Variants in CRISP2 observed in about 807,000 individuals in gnomAD.
CRISP2 encodes the protein cysteine-rich secretory protein 2.
A neutral mutation model predicts 31.7 loss-of-function variants in CRISP2; 29 were observed. The ratio of observed to expected loss-of-function variants is 0.92; its 90% CI spans 0.68 to 1.25. The LOEUF is 1.25. Among genes scored for constraint, CRISP2 ranks in the 50% most tolerant of loss-of-function variants. The pLI, the probability that CRISP2 is intolerant of heterozygous loss-of-function variation, is 0.00. For missense variants in CRISP2, 318 were observed against 286.5 expected (o/e 1.11, Z -0.79); for synonymous variants, 111 against 101.4 (o/e 1.09, Z -0.57).
the CRISP2 span, among the ~76,000 whole-genome samples, chr6:49,682,847 C>A: frequency 6.6e-6 from 1 of 150,620 alleles, no homozygotes; most frequent in Non-Finnish European, 1.5e-5. Flanking sequence ...TCCCTTCCTC[C>A]CTTCTTTTCT....
At chr6:49,682,571 CTTTTTCTTTCTTTCTTTT>C in the CRISP2 span, among the ~76,000 whole-genome samples, 10 of 103,598 alleles carry the variant, frequency 9.7e-5, no homozygotes, top group South Asian at 1.2e-3. Context: ...CTCTTTCTTT[CTTTTTCTTTCTTTCTTTT>C]TCTTTCTTTC....
Position 49,704,757 on chromosome 6 carries a change from G to A in CRISP2, c.67-3973C>T, listed in dbSNP as rs1193500734. Among the ~76,000 whole-genome samples the A allele has an allele frequency of 2.0e-4, 30 of 152,320 alleles. No individual in the cohort carries two copies. The East Asian group carries it at 5.6e-3, about 28-fold the overall frequency. ...CTGTTCCAGTGGAGGTAGCAGGGGA[G>A]TGAAGTGGACTCTGTGAGAGTCCTT... On this transcript the variant is annotated intron_variant, in intron 4 of 9. Coordinates refer to ENST00000339139, the MANE Select transcript of CRISP2 (RefSeq NM_003296.4).
At chr6:49,708,610 C>G (rs540090706) in intron 4 of CRISP2, among the ~76,000 whole-genome samples, 1 of 152,246 alleles carries the variant, frequency 6.6e-6, no homozygotes, top group South Asian at 2.1e-4. Context: ...ACAGGTCCCT[C>G]TTAGATCCTC....
downstream of CRISP2, among the ~76,000 whole-genome samples, chr6:49,687,534 T>C (rs576267776): frequency 2.6e-5 from 4 of 152,314 alleles, no homozygotes; most frequent in East Asian, 7.7e-4. Flanking sequence ...AAATTCAGTG[T>C]TCTCGCACAA....
chr6:49,702,184 A>G (rs558350073), intron 4 of CRISP2, among the ~76,000 whole-genome samples: 53 of 107,740 alleles, frequency 4.9e-4, no homozygotes, highest in African/African-American at 1.8e-3. Context: ...TATATATATA[A>G]CATTTTCTTT....
intron 1 of CRISP2, among the ~76,000 whole-genome samples, 177 bp downstream of exon 1, chr6:49,713,298 C>T (rs360544): frequency 0.17 from 26,214 of 152,040 alleles, 2,926 homozygotes; most frequent in African/African-American, 0.32. Flanking sequence ...GGTAGGTCGG[C>T]GCTAAGCAAC....
chr6:49,708,717 G>A (rs1208998781), intron 4 of CRISP2, among the ~76,000 whole-genome samples: 1 of 152,120 alleles, frequency 6.6e-6, no homozygotes, highest in African/African-American at 2.4e-5. Flanking sequence ...CACTTAGCTT[G>A]TGATAATTTG....
chr6:49,696,578 A>C (rs538234974), intron 8 of CRISP2, among the ~76,000 whole-genome samples: 2 of 120,174 alleles, frequency 1.7e-5, no homozygotes, highest in African/African-American at 5.8e-5. Context: ...GTTATCCCAG[A>C]ACTTAAAGTA....
At position 49,692,798 on chromosome 6, in the gene CRISP2, C is replaced by T. The variant is rs1390252325; in HGVS notation, c.707G>A (p.Cys236Tyr). 1 of 1,613,604 alleles carries T rather than the reference C, an allele frequency of 6.2e-7. No homozygotes were observed. The highest frequency in any genetic ancestry group is 8.5e-7 in the Non-Finnish European group (1 of 1,179,584). The change falls in exon 10 of 10, where the codon TGC becomes TAC. Residue 236 changes from cysteine (C) to tyrosine (Y), a missense_variant. Cys to Tyr is a radical substitution (Grantham distance 194, BLOSUM62 -2). Coordinates refer to ENST00000339139, the MANE Select transcript of CRISP2 (RefSeq NM_003296.4). Reference sequence around the variant, plus strand: ...TCAGTAAATTTTGTTCTCACATAGGCAAGTAGCCTTGCACTTTTCCTTGAG... The same window carrying T: ...TCAGTAAATTTTGTTCTCACATAGGTAAGTAGCCTTGCACTTTTCCTTGAG... Reference protein sequence around the residue: ...ELLKEKCKATCLCENKIY With the variant: ...ELLKEKCKATYLCENKIY
chr6:49,698,369 T>C lies in CRISP2; in HGVS notation c.410A>G (p.Tyr137Cys). The change falls in exon 7 of 10, where the codon TAT becomes TGT. Residue 137 changes from tyrosine to cysteine, a missense_variant. By Grantham distance (194) the Tyr-to-Cys change is radical (BLOSUM62 -2). Coordinates refer to ENST00000339139, the MANE Select transcript of CRISP2 (RefSeq NM_003296.4). ...TTCATGCATTCTTCTTACCTGAGTA[T>C]AATGTCCAACAACTGCATTGGGACT... ...PKSPNAVVGH[Y>C]TQLVWYSTYQ... is the part of the protein sequence containing the mutation. 1.2e-6 allele frequency: 2 copies of C among 1,613,088 alleles called. No homozygotes were observed. Among genetic ancestry groups the C allele is most frequent in the Non-Finnish European group, 1.7e-6 (2 of 1,179,522 alleles).
Position 49,695,926 on chromosome 6 carries a change from T to C in CRISP2, c.516-2A>G, listed in dbSNP as rs771680291. 30 of 1,588,058 alleles carry C rather than the reference T, an allele frequency of 1.9e-5. No homozygotes were observed. The highest frequency in any genetic ancestry group is 1.1e-5 in the South Asian group (1 of 89,662). On this transcript the variant is annotated splice_acceptor_variant, in intron 8 of 9. Transcript: ENST00000339139. LOFTEE classifies it high-confidence loss of function. ...TTCTTTCTATTCATATTATTACCAC[T>C]GAAATTTGAAATACATGTCAAATAT... is the stretch of plus-strand genomic sequence containing the variant.
intron 4 of CRISP2, among the ~76,000 whole-genome samples, chr6:49,708,683 G>A (rs1389524614): frequency 6.6e-6 from 1 of 152,106 alleles, no homozygotes; most frequent in African/African-American, 2.4e-5. Flanking sequence ...AACTGTGAGA[G>A]AATAAGTTTT....
chr6:49,677,240 ATACGT>A, the CRISP2 span, among the ~76,000 whole-genome samples: 1 of 152,136 alleles, frequency 6.6e-6, no homozygotes, highest in South Asian at 2.1e-4. Flanking sequence ...ATGTATTGTG[ATACGT>A]TCTTTCCATT....
At position 49,709,126 on chromosome 6, in the gene CRISP2, C is replaced by T; in HGVS notation, c.66+5G>A. On this transcript the variant is annotated splice_donor_5th_base_variant and intron_variant, in intron 4 of 9. Transcript: ENST00000339139. ...CTCTGAAAAGATTTTCCATTTTAAC[C>T]TTACCTTTCCTTCTGCAGGTAAAGA... is the stretch of plus-strand genomic sequence containing the variant. The T allele has an allele frequency of 1.2e-6, 2 of 1,613,288 alleles. No homozygotes were observed. Among genetic ancestry groups the T allele is most frequent in the South Asian group, 1.1e-5 (1 of 91,048 alleles).
chr6:49,699,743 C>T, intron 6 of CRISP2, 61 bp downstream of exon 6: 5 of 1,171,450 alleles, frequency 4.3e-6, no homozygotes, highest in Admixed American at 1.9e-5. Flanking sequence ...GAGCATCCTA[C>T]AATGCTCTAT....
At chr6:49,698,309 C>T in intron 7 of CRISP2, 53 bp downstream of exon 7, 1 of 1,592,162 alleles carries the variant, frequency 6.3e-7, no homozygotes, top group South Asian at 1.1e-5. Context: ...TTTGGAGAAG[C>T]TTTCCTCTAT....
At chr6:49,703,474 T>C (rs971641936) in intron 4 of CRISP2, among the ~76,000 whole-genome samples, 1 of 152,172 alleles carries the variant, frequency 6.6e-6, no homozygotes, top group Non-Finnish European at 1.5e-5. Flanking sequence ...TTCCATTTGT[T>C]TGTGTCATTT....
At chr6:49,712,749 C>T (rs898987119) in intron 1 of CRISP2, 145 bp from the exon 2 acceptor site, 1 of 152,146 alleles carries the variant, frequency 6.6e-6, no homozygotes, top group Non-Finnish European at 1.5e-5. Context: ...TTGATTTCAG[C>T]GTTAAGACCA....
At position 49,700,648 on chromosome 6, in the gene CRISP2, C is replaced by A; in HGVS notation, c.183+20G>T. The A allele has an allele frequency of 6.7e-7, 1 of 1,483,526 alleles. No individual in the cohort carries two copies. The allele number at this position is 1,483,526 out of a possible 1,614,324, so 91.9% of individuals were successfully genotyped here. On this transcript the variant is annotated intron_variant, in intron 5 of 9. Coordinates refer to ENST00000339139, the MANE Select transcript of CRISP2 (RefSeq NM_003296.4). ...TCCACAGCTGATTCACACCCATCTC[C>A]TTACAGCACTGCCTCTTACCATCTT...
Sources: allele counts gnomAD v4.1 joint callset (sites outside exome capture counted in the v4.1 genomes callset), GRCh38; gene constraint gnomAD v4.1.1; transcripts MANE v1.5; gene names NCBI Gene and HGNC (gene_info 2026-07-23, HGNC 2026-07-21).